Variants in TMEM117 observed in about 807,000 individuals in gnomAD.
TMEM117 encodes the protein transmembrane protein 117.
A neutral mutation model predicts 52.4 loss-of-function variants in TMEM117; 27 were observed. The ratio of observed to expected loss-of-function variants is 0.51; its 90% confidence interval spans 0.38 to 0.71. TMEM117 has a LOEUF of 0.71. Among genes scored for constraint, TMEM117 ranks in the 30% least tolerant of loss-of-function variants. The pLI, the probability that TMEM117 is intolerant of heterozygous loss-of-function variation, is 0.00. For synonymous variants in TMEM117, 215 were observed against 206.3 expected (o/e 1.04, Z -0.36); for missense variants, 556 against 630.5 (o/e 0.88, Z 1.26).
At chr12:44,055,763 A>G (rs968458359) in intron 3 of TMEM117, among the ~76,000 whole-genome samples, 1 of 152,206 alleles carries the variant, frequency 6.6e-6, no homozygotes, top group Non-Finnish European at 1.5e-5. Context: ...TAAGATATAC[A>G]CAGTCTCTTT....
At chr12:43,926,628 G>C (rs1343102273) in intron 2 of TMEM117, among the ~76,000 whole-genome samples, 2 of 152,106 alleles carry the variant, frequency 1.3e-5, no homozygotes, top group Non-Finnish European at 2.9e-5. Context: ...AAACCATTTA[G>C]ACATGGTGTT....
At chr12:43,849,631 T>C (rs1943271068) in intron 2 of TMEM117, among the ~76,000 whole-genome samples, 1 of 146,574 alleles carries the variant, frequency 6.8e-6, no homozygotes, top group Non-Finnish European at 1.5e-5. Flanking sequence ...TCTCTCTCTC[T>C]TTTTTTTTTA....
chr12:43,806,187 C>A, the TMEM117 span: 2 of 1,484,960 alleles, frequency 1.3e-6, no homozygotes, highest in Non-Finnish European at 1.8e-6. Context: ...CTCCCGGAAG[C>A]CCCTTCCCTG....
At chr12:43,882,375 G>A (rs907327198) in intron 2 of TMEM117, among the ~76,000 whole-genome samples, 4 of 146,268 alleles carry the variant, frequency 2.7e-5, no homozygotes, top group East Asian at 2.0e-4. Context: ...CAGGAAAATC[G>A]CTTGAACCCG....
At chr12:44,181,965 A>G (rs1949206823) in intron 4 of TMEM117, among the ~76,000 whole-genome samples, 3 of 152,058 alleles carry the variant, frequency 2.0e-5, no homozygotes, top group South Asian at 2.1e-4. Flanking sequence ...TTTTCATGAT[A>G]TTGATTCTTC....
intron 2 of TMEM117, among the ~76,000 whole-genome samples, chr12:43,900,440 C>T (rs1944284712): frequency 6.6e-6 from 1 of 152,092 alleles, no homozygotes; most frequent in South Asian, 2.1e-4. Flanking sequence ...ACATTCTCGG[C>T]TGGGCACGGT....
intron 4 of TMEM117, among the ~76,000 whole-genome samples, chr12:44,179,296 C>A (rs1413258753): frequency 3.9e-5 from 6 of 152,126 alleles, no homozygotes; most frequent in African/African-American, 7.2e-5. Flanking sequence ...GGCAAAGTCC[C>A]ATCATAAGTC....
chr12:44,181,537 G>A (rs1273676597), intron 4 of TMEM117, among the ~76,000 whole-genome samples: 3 of 150,794 alleles, frequency 2.0e-5, no homozygotes, highest in Non-Finnish European at 4.5e-5. Context: ...TGTATAAGGT[G>A]TAAGGAAGGG....
chr12:43,856,353 C>G (rs1432547784), intron 2 of TMEM117, among the ~76,000 whole-genome samples: 2 of 152,136 alleles, frequency 1.3e-5, no homozygotes, highest in Non-Finnish European at 2.9e-5. Flanking sequence ...CTTGAATTGT[C>G]AAGACCCAGT....
At chr12:44,089,089 T>G (rs963807832) in intron 3 of TMEM117, among the ~76,000 whole-genome samples, 12 of 152,174 alleles carry the variant, frequency 7.9e-5, no homozygotes, top group Non-Finnish European at 1.5e-5. Flanking sequence ...ACTTCAAGTA[T>G]TAAGCATGAA....
chr12:44,283,000 G>T (rs1398911980), intron 5 of TMEM117, among the ~76,000 whole-genome samples: 1 of 152,258 alleles, frequency 6.6e-6, no homozygotes, highest in Non-Finnish European at 1.5e-5. Context: ...GGCTTCAGAG[G>T]GCGGAAGCCC....
At chr12:43,884,522 AG>A (rs1943956908) in intron 2 of TMEM117, among the ~76,000 whole-genome samples, 1 of 152,106 alleles carries the variant, frequency 6.6e-6, no homozygotes, top group Admixed American at 6.5e-5. Flanking sequence ...TCTGTTGATG[AG>A]GGGGTTTTGA....
At chr12:44,278,653 T>C (rs1950543561) in intron 5 of TMEM117, among the ~76,000 whole-genome samples, 2 of 152,228 alleles carry the variant, frequency 1.3e-5, no homozygotes, top group Non-Finnish European at 2.9e-5. Context: ...CAATGGGATC[T>C]CTTTTCTGTA....
chr12:44,250,773 G>C (rs998346045), intron 5 of TMEM117, among the ~76,000 whole-genome samples: 2 of 152,162 alleles, frequency 1.3e-5, no homozygotes, highest in East Asian at 3.9e-4. Flanking sequence ...TTGCTCCTAA[G>C]TGGGAGTTGA....
chr12:43,962,986 A>AT (rs1945428364), intron 3 of TMEM117, among the ~76,000 whole-genome samples: 1 of 151,874 alleles, frequency 6.6e-6, no homozygotes, highest in East Asian at 1.9e-4. Flanking sequence ...AAAAGCATAC[A>AT]TTATTCAGCA....
chr12:44,336,658 G>A (rs1490833130), intron 6 of TMEM117, among the ~76,000 whole-genome samples: 1 of 151,726 alleles, frequency 6.6e-6, no homozygotes, highest in Non-Finnish European at 1.5e-5. Context: ...ATTAGGCATT[G>A]GAAAAGTGCC....
At chr12:44,087,414 TC>T (rs973471911) in intron 3 of TMEM117, among the ~76,000 whole-genome samples, 1 of 151,806 alleles carries the variant, frequency 6.6e-6, no homozygotes, top group African/African-American at 2.4e-5. Context: ...AGTGTTTTTT[TC>T]TTACCATTCT....
intron 3 of TMEM117, among the ~76,000 whole-genome samples, chr12:44,127,091 A>G (rs1948337877): frequency 6.6e-6 from 1 of 152,234 alleles, no homozygotes; most frequent in Non-Finnish European, 1.5e-5. Flanking sequence ...GAGAAGCACC[A>G]TTTCTACTTG....
intron 2 of TMEM117, among the ~76,000 whole-genome samples, chr12:43,915,535 A>G (rs1944586820): frequency 6.6e-6 from 1 of 152,174 alleles, no homozygotes; most frequent in Admixed American, 6.6e-5. Context: ...CCCTTCAGTG[A>G]CCAACTTTGC....
Sources: gnomAD v4.1 joint callset for allele counts (sites outside exome capture counted in the v4.1 genomes callset) on GRCh38, gnomAD v4.1.1 for gene constraint, MANE v1.5 for transcripts, NCBI Gene and HGNC (gene_info 2026-07-23, HGNC 2026-07-21) for gene names.